Variants in DOCK9 observed in about 807,000 individuals in gnomAD.
DOCK9 encodes the protein dedicator of cytokinesis protein 9.
In DOCK9, 89 loss-of-function variants were observed where a neutral mutation model predicts 263.3. The observed-to-expected ratio is 0.34, with a 90% CI of 0.28 to 0.40. The LOEUF (loss-of-function observed/expected upper bound fraction) is 0.40. Among genes scored for constraint, DOCK9 ranks in the 10% least tolerant of loss-of-function variants. The pLI is 1.00. For synonymous variants in DOCK9, 976 were observed against 973.1 expected (o/e 1.00, Z -0.06); for missense variants, 2,140 against 2,603.4 (o/e 0.82, Z 3.87).
chr13:98,845,900 A>C, intron 38 of DOCK9, 24 bp downstream of exon 38: 1 of 1,611,500 alleles, frequency 6.2e-7, no homozygotes, highest in Non-Finnish European at 8.5e-7. Flanking sequence ...GCTGGCTGTT[A>C]CGATGGCATG....
upstream of DOCK9, among the ~76,000 whole-genome samples, chr13:99,087,135 G>T (rs897502525): frequency 1.3e-5 from 2 of 152,132 alleles, no homozygotes; most frequent in African/African-American, 4.8e-5. Context: ...ACCCGCGGCC[G>T]GCCAGGCGGA....
intron 1 of DOCK9, chr13:99,086,135 C>G: frequency 7.2e-7 from 1 of 1,384,234 alleles, no homozygotes; most frequent in South Asian, 1.5e-5. Flanking sequence ...CTGCCTCAGC[C>G]CTGCCGACTA....
In DOCK9 at chr13:98,797,116, T is replaced by C. The variant is rs373831225; in HGVS notation, c.6155A>G (p.Gln2052Arg). The change falls in exon 52 of 53, where the codon CAG becomes CGG. Residue 2052 changes from glutamine (Q) to arginine (R), a missense_variant and splice_region_variant. Around this residue, in one of 2 missense-constraint regions of DOCK9, gnomAD observed 619 missense variants for 861.8 expected, o/e 0.72. Transcript: ENST00000682017. ...AKELSEIMHE[Q>R]ICPLEEKTSV... ...TGTTGGAGCCAGTGCGGCCCTCACC[T>C]GCTCATGCATGATTTCAGAAAGCTC... 2.5e-6 allele frequency: 4 copies of C among 1,614,060 alleles called. No homozygotes were observed. Among genetic ancestry groups the C allele is most frequent in the Non-Finnish European group, 3.4e-6 (4 of 1,179,906 alleles).
intron 39 of DOCK9, chr13:98,831,995 C>T: frequency 3.5e-6 from 2 of 577,356 alleles, no homozygotes; most frequent in Non-Finnish European, 5.9e-6. Flanking sequence ...ATGAACCTCC[C>T]AGCAAACTAA....
chr13:98,865,469 G>C (rs1435585588), intron 30 of DOCK9, among the ~76,000 whole-genome samples: 1 of 152,182 alleles, frequency 6.6e-6, no homozygotes, highest in Non-Finnish European at 1.5e-5. Context: ...GGAGGTAAGT[G>C]AGAAGAAAGA....
At chr13:99,039,165 A>G (rs1247475040) in intron 1 of DOCK9, among the ~76,000 whole-genome samples, 1 of 152,236 alleles carries the variant, frequency 6.6e-6, no homozygotes, top group Non-Finnish European at 1.5e-5. Context: ...TGTCTGGGTA[A>G]TAGGTCCAGC....
At chr13:99,018,519 T>C (rs1024420598) in intron 1 of DOCK9, among the ~76,000 whole-genome samples, 2 of 137,290 alleles carry the variant, frequency 1.5e-5, no homozygotes, top group African/African-American at 5.2e-5. Context: ...CATATACACA[T>C]TGAAGCAACT....
chr13:98,918,013 T>C (rs1307514662), intron 7 of DOCK9, among the ~76,000 whole-genome samples: 1 of 152,256 alleles, frequency 6.6e-6, no homozygotes, highest in Non-Finnish European at 1.5e-5. Flanking sequence ...CATCTGATTC[T>C]GGACCCCTCC....
rs752930975 is a variant in DOCK9, at chr13:98,868,188, T to A, written c.3090+43A>T. 2.5e-6 allele frequency: 4 copies of A among 1,609,178 alleles called. No homozygotes were observed. In the African/African-American group the frequency reaches 4.0e-5, roughly 16 times the overall value. On this transcript the variant is annotated intron_variant, in intron 28 of 52. Coordinates refer to ENST00000682017, the MANE Select transcript of DOCK9 (RefSeq NM_001366683.2). ...TGCTAGACAGCTGGTAAAAAGCACA[T>A]CTTTGTCCCATAACTGATATCCTCT...
At chr13:98,951,914 T>TTTTTTTTTTTTTTTTTTGTTG (rs2057467177) in intron 2 of DOCK9, among the ~76,000 whole-genome samples, 1 of 151,332 alleles carries the variant, frequency 6.6e-6, no homozygotes, top group Non-Finnish European at 1.5e-5. Context: ...TTTTTTTTTT[T>TTTTTTTTTTTTTTTTTTGTTG]GAGATGGAGT....
In DOCK9 at chr13:98,829,805, C is replaced by T. The variant is rs1455421968; in HGVS notation, c.4636-49G>A. The T allele has an allele frequency of 6.7e-7, 1 of 1,500,166 alleles. No individual in the cohort carries two copies. Among genetic ancestry groups the T allele is most frequent in the Admixed American group, 1.9e-5 (1 of 51,534 alleles). The allele number at this position is 1,500,166 out of a possible 1,614,324, so 92.9% of individuals were successfully genotyped here. On this transcript the variant is annotated intron_variant, in intron 41 of 52. Transcript: ENST00000682017. The surrounding 1 kb of genome is among the most constrained non-coding windows in gnomAD (Gnocchi z 4.1). ...AAATCAATTTACCTTCAAATGACTG[C>T]CCAGGCTGGGCTTCTGCGTTCAGTT...
At chr13:99,031,222 C>A (rs1887311214) in intron 1 of DOCK9, among the ~76,000 whole-genome samples, 1 of 151,950 alleles carries the variant, frequency 6.6e-6, no homozygotes. Context: ...AACATTGTGC[C>A]AAGGAAATGT....
intron 52 of DOCK9, among the ~76,000 whole-genome samples, chr13:98,796,582 A>G (rs1426252602): frequency 5.9e-5 from 9 of 152,220 alleles, no homozygotes; most frequent in Admixed American, 5.2e-4. Context: ...GATAACAGCA[A>G]AATAATCAGG....
intron 1 of DOCK9, among the ~76,000 whole-genome samples, chr13:99,076,564 T>C (rs2041918151): frequency 6.6e-6 from 1 of 152,200 alleles, no homozygotes; most frequent in Non-Finnish European, 1.5e-5. Flanking sequence ...ATTAGTCATA[T>C]GTAGCAATGA....
chr13:99,062,619 C>G (rs562767990), intron 1 of DOCK9, among the ~76,000 whole-genome samples: 2 of 152,300 alleles, frequency 1.3e-5, no homozygotes, highest in African/African-American at 4.8e-5. Context: ...TCCCGCAAGC[C>G]TTCTACAACA....
Position 98,902,414 on chromosome 13 carries a change from G to A in DOCK9, c.1254C>T (p.Asp418=). The change falls in exon 12 of 53, where the codon GAC becomes GAT. Residue 418 remains aspartate, a synonymous_variant. Transcript: ENST00000682017. ...NRKISADFHV[D]LNHFSVRQML... ...TTTGCCTCACTGAGAAATGGTTCAG[G>A]TCTACGTGGAAATCGGCAGAAATCT... 6.2e-7 allele frequency: 1 copy of A among 1,614,006 alleles called. No individual in the cohort carries two copies. The highest frequency in any genetic ancestry group is 8.5e-7 in the Non-Finnish European group (1 of 1,179,890).
intron 1 of DOCK9, among the ~76,000 whole-genome samples, chr13:99,066,515 C>T (rs184450272): frequency 6.6e-6 from 1 of 152,200 alleles, no homozygotes; most frequent in East Asian, 1.9e-4. Flanking sequence ...TACTATGTTA[C>T]TTAATATAAA....
intron 1 of DOCK9, among the ~76,000 whole-genome samples, chr13:99,072,477 C>T (rs1292974570): frequency 6.6e-6 from 1 of 152,120 alleles, no homozygotes; most frequent in Non-Finnish European, 1.5e-5. Context: ...TTCCTGACTT[C>T]GGGGACAAAG....
At chr13:98,991,121 G>A (rs1166288313) in intron 1 of DOCK9, among the ~76,000 whole-genome samples, 3 of 151,956 alleles carry the variant, frequency 2.0e-5, no homozygotes, top group Non-Finnish European at 4.4e-5. Context: ...ACCCAGGCTG[G>A]AGTGCAGTGG....
Sources: allele counts gnomAD v4.1 joint callset (sites outside exome capture counted in the v4.1 genomes callset), GRCh38; gene constraint gnomAD v4.1.1; regional missense constraint gnomAD v4.1.1; non-coding constraint Gnocchi (gnomAD v3.1); transcripts MANE v1.5; gene names NCBI Gene and HGNC (gene_info 2026-07-23, HGNC 2026-07-21).